NCOA3: variants seen among roughly 807,000 people sequenced by gnomAD.
NCOA3 encodes the protein nuclear receptor coactivator 3.
In NCOA3, 51 loss-of-function variants were observed where a neutral mutation model predicts 158.8. That is an observed-to-expected ratio of 0.32 (90% confidence interval 0.26 to 0.41). NCOA3 has a LOEUF of 0.41. NCOA3 is among the 10% of genes least tolerant of loss of function. The pLI is 1.00. For synonymous variants in NCOA3, 537 were observed against 592.4 expected (o/e 0.91, Z 1.36); for missense variants, 1,510 against 1,746.6 (o/e 0.86, Z 2.41).
At chr20:47,623,822 G>A in intron 3 of NCOA3, 89 bp from the exon 4 acceptor site, 2 of 1,198,268 alleles carry the variant, frequency 1.7e-6, no homozygotes, top group South Asian at 1.5e-5. Context: ...TCATGTAATA[G>A]TGTTGTATAG....
chr20:47,639,771 A>G lies in NCOA3; in HGVS notation c.2902A>G (p.Ile968Val), dbSNP rs1303431854. ...CACATTGCCTCTTCGGTCTAATAGC[A>G]TACCAGGTGCGAGACCAGTATTGCA... ...IPTLPLRSNS[I>V]PGARPVLQQQ... Residue 968 changes from isoleucine to valine, a missense_variant, in exon 15 of 23, where the codon ATA becomes GTA. By Grantham distance (29) the Ile-to-Val change is conservative. Around this residue, in one of 4 missense-constraint regions of NCOA3, gnomAD observed 1,017 missense variants for 1,098.3 expected, o/e 0.93. Coordinates refer to ENST00000371998, the MANE Select transcript of NCOA3 (RefSeq NM_181659.3). 1.2e-6 allele frequency: 2 copies of G among 1,614,080 alleles called. No homozygotes were observed. Among genetic ancestry groups the G allele is most frequent in the Non-Finnish European group, 1.7e-6 (2 of 1,180,048 alleles).
intron 2 of NCOA3, 85 bp downstream of exon 2, chr20:47,583,346 A>G (rs1261994153): frequency 2.5e-6 from 1 of 394,964 alleles, no homozygotes; most frequent in Non-Finnish European, 4.5e-6. Flanking sequence ...TTAATTTATG[A>G]TTTAATTAAA....
intron 22 of NCOA3, among the ~76,000 whole-genome samples, 156 bp from the exon 23 acceptor site, chr20:47,653,250 C>T (rs898025240): frequency 2.0e-5 from 3 of 152,114 alleles, no homozygotes; most frequent in Non-Finnish European, 4.4e-5. Flanking sequence ...TTTTGGTAAG[C>T]CAGAGCTGCA....
At chr20:47,581,166 T>C (rs1205668826) in intron 1 of NCOA3, among the ~76,000 whole-genome samples, 2 of 152,070 alleles carry the variant, frequency 1.3e-5, no homozygotes, top group East Asian at 3.9e-4. Context: ...TTATATAAAA[T>C]TACCTTCAGG....
intron 1 of NCOA3, among the ~76,000 whole-genome samples, chr20:47,567,272 T>C (rs879272195): frequency 1.3e-5 from 2 of 152,086 alleles, no homozygotes; most frequent in Non-Finnish European, 2.9e-5. Context: ...GGTCTTGATC[T>C]CTTGACCTTG....
intron 1 of NCOA3, among the ~76,000 whole-genome samples, chr20:47,529,127 A>C (rs2084504642): frequency 6.6e-6 from 1 of 150,678 alleles, no homozygotes; most frequent in Non-Finnish European, 1.5e-5. Context: ...TATTTAAAAA[A>C]ATTTTTTTTC....
chr20:47,508,497 AGT>A (rs2084063769), intron 1 of NCOA3, among the ~76,000 whole-genome samples: 1 of 152,248 alleles, frequency 6.6e-6, no homozygotes, highest in Non-Finnish European at 1.5e-5. Context: ...TGAGAACTTT[AGT>A]ACAAAAGAAG....
intron 1 of NCOA3, among the ~76,000 whole-genome samples, chr20:47,517,032 G>C (rs2084244773): frequency 6.6e-6 from 1 of 151,964 alleles, no homozygotes; most frequent in South Asian, 2.1e-4. Context: ...AGACCAGCCA[G>C]CATGGTGAAA....
chr20:47,635,488 C>A lies in NCOA3; in HGVS notation c.1279C>A (p.Gln427Lys). 9.3e-6 allele frequency: 15 copies of A among 1,614,028 alleles called. No homozygotes were observed. Among genetic ancestry groups the A allele is most frequent in the Non-Finnish European group, 1.2e-5 (14 of 1,179,990 alleles). The change falls in exon 11 of 23, where the codon CAG becomes AAG. Residue 427 changes from glutamine (Q) to lysine (K), a missense_variant. By Grantham distance (53) the Gln-to-Lys change is moderately conservative (BLOSUM62 1). This residue lies in a region of NCOA3 where 1,017 missense variants were observed against 1,098.3 expected (regional missense o/e 0.93). Coordinates refer to ENST00000371998, the MANE Select transcript of NCOA3 (RefSeq NM_181659.3). ...CTTGGCAGACCCTAGCACCACAGGG[C>A]AGATGAGTGGAGCTAGGTATGGGGG... is the stretch of plus-strand genomic sequence containing the variant. The part of the protein sequence containing the change: ...YGLADPSTTG[Q>K]MSGARYGGSS...
At chr20:47,549,373 A>T (rs1355373084) in intron 1 of NCOA3, among the ~76,000 whole-genome samples, 1 of 151,714 alleles carries the variant, frequency 6.6e-6, no homozygotes, top group Non-Finnish European at 1.5e-5. Flanking sequence ...AATTAAAAAA[A>T]AAAATTAGCT....
intron 1 of NCOA3, among the ~76,000 whole-genome samples, chr20:47,559,944 A>G (rs1314766800): frequency 1.3e-5 from 2 of 152,042 alleles, no homozygotes; most frequent in African/African-American, 4.8e-5. Flanking sequence ...GAGCCACTGC[A>G]CTGGCCAATT....
intron 1 of NCOA3, among the ~76,000 whole-genome samples, chr20:47,565,207 C>T (rs1164110418): frequency 1.3e-5 from 2 of 152,130 alleles, no homozygotes; most frequent in South Asian, 2.1e-4. Flanking sequence ...TCTTGAACTC[C>T]TGACCTCAAG....
At chr20:47,602,156 T>C (rs767346681) in intron 2 of NCOA3, among the ~76,000 whole-genome samples, 2 of 152,266 alleles carry the variant, frequency 1.3e-5, no homozygotes, top group Non-Finnish European at 2.9e-5. Flanking sequence ...GTTTCTGTGC[T>C]ATTACAAATA....
At chr20:47,553,839 A>G (rs2084960551) in intron 1 of NCOA3, among the ~76,000 whole-genome samples, 1 of 152,134 alleles carries the variant, frequency 6.6e-6, no homozygotes, top group African/African-American at 2.4e-5. Context: ...TGCTATTGTG[A>G]ATAGTGCCGC....
intron 2 of NCOA3, among the ~76,000 whole-genome samples, chr20:47,602,938 C>T (rs371779901): frequency 1.3e-5 from 2 of 151,928 alleles, no homozygotes; most frequent in African/African-American, 2.4e-5. Context: ...GGCTAAATTG[C>T]CAGTGTCTTT....
At position 47,627,665 on chromosome 20, in the gene NCOA3, G is replaced by A. The variant is rs754382773; in HGVS notation, c.637G>A (p.Ala213Thr). The A allele has an allele frequency of 1.3e-5, 21 of 1,614,100 alleles. No individual in the cohort carries two copies. The highest frequency in any genetic ancestry group is 1.2e-4 in the South Asian group (11 of 91,066). Residue 213 changes from alanine to threonine, a missense_variant, in exon 7 of 23, where the codon GCC (alanine) becomes ACC (threonine). This residue lies in a region of NCOA3 where 309 missense variants were observed against 427.1 expected (regional missense o/e 0.72). Transcript: ENST00000371998. ...ACATGATATTCTGGAAGACATAAAC[G>A]CCAGTCCTGAAATGCGCCAGAGATA... The part of the protein sequence containing the change: ...TPHDILEDIN[A>T]SPEMRQRYET...
intron 1 of NCOA3, among the ~76,000 whole-genome samples, chr20:47,507,870 C>T (rs1307992753): frequency 1.3e-5 from 2 of 152,090 alleles, no homozygotes; most frequent in Non-Finnish European, 2.9e-5. Context: ...CTGCCCGCGT[C>T]GGCCTCCCAA....
At chr20:47,535,748 C>T (rs1029143441) in intron 1 of NCOA3, among the ~76,000 whole-genome samples, 7 of 151,960 alleles carry the variant, frequency 4.6e-5, no homozygotes, top group South Asian at 2.1e-4. Context: ...CCTTGTGATC[C>T]GCCCATCTCA....
chr20:47,578,528 C>A (rs927605261), intron 1 of NCOA3, among the ~76,000 whole-genome samples: 2 of 152,320 alleles, frequency 1.3e-5, no homozygotes, highest in Admixed American at 1.3e-4. Context: ...TTTCAACTTG[C>A]ATTTGGTCTT....
Sources: allele counts gnomAD v4.1 joint callset (sites outside exome capture counted in the v4.1 genomes callset), GRCh38; gene constraint gnomAD v4.1.1; regional missense constraint gnomAD v4.1.1; transcripts MANE v1.5; gene names NCBI Gene and HGNC (gene_info 2026-07-23, HGNC 2026-07-21).